The following LDLRAD4 variants were observed in gnomAD, a reference collection of about 807,000 sequenced individuals.
The protein encoded by LDLRAD4 is low-density lipoprotein receptor class A domain-containing protein 4.
In LDLRAD4, 5 loss-of-function variants were observed where a neutral mutation model predicts 17.0. The observed-to-expected ratio is 0.29, with a 90% CI of 0.15 to 0.62. The LOEUF (loss-of-function observed/expected upper bound fraction) is 0.62, where lower values mean the gene tolerates loss of function less well. LDLRAD4 is among the 20% of genes least tolerant of loss of function. The probability of loss-of-function intolerance (pLI) is 0.84; values close to 1 mark genes in which losing one functional copy is unlikely to be tolerated. For missense variants in LDLRAD4, 340 were observed against 424.7 expected, an observed-to-expected ratio of 0.80 and a Z score of 1.75; for synonymous variants, 168 against 171.8, an observed-to-expected ratio of 0.98 and a Z score of 0.17.
chr18:13,597,999 T>A (rs1200032044), intron 3 of LDLRAD4, among the ~76,000 whole-genome samples: 2 of 152,230 alleles, frequency 1.3e-5, no homozygotes, highest in Admixed American at 1.3e-4. Flanking sequence ...TTGTGAAGTT[T>A]TTGTTAAGCT....
rs1323560062 is a variant in LDLRAD4, at chr18:13,398,497, C to T, written c.40+10735C>T. The stretch of plus-strand genomic sequence containing the variant: ...AATACCATTGAGCTTATCAGAAGAG[C>T]TCAGATTTGAGTGTGGGTCTTGATG... On this transcript the variant is annotated intron_variant, in intron 2 of 5. Coordinates refer to ENST00000359446, the Ensembl canonical transcript of LDLRAD4. The surrounding 1 kb of genome is among the most constrained non-coding windows in gnomAD (Gnocchi z 4.8). Among the ~76,000 whole-genome samples, 1 of 151,856 alleles carries T rather than the reference C, an allele frequency of 6.6e-6. No homozygotes were observed. Among genetic ancestry groups the T allele is most frequent in the East Asian group, 1.9e-4 (1 of 5,186 alleles).
chr18:13,436,582 T>C (rs1299431731), intron 2 of LDLRAD4, among the ~76,000 whole-genome samples: 1 of 152,250 alleles, frequency 6.6e-6, no homozygotes, highest in Non-Finnish European at 1.5e-5. Flanking sequence ...TCATGTTTGG[T>C]ATAAATCCAT....
intron 2 of LDLRAD4, chr18:13,423,492 C>CA (rs201201247): frequency 0.076 from 9,987 of 131,586 alleles, 728 homozygotes; most frequent in African/African-American, 0.2. Flanking sequence ...GACTCTGTCT[C>CA]AAAAAAAAAA....
chr18:13,611,827 G>T, intron 3 of LDLRAD4: 8 of 985,684 alleles, frequency 8.1e-6, no homozygotes, highest in Non-Finnish European at 9.6e-6. Context: ...TCCTGCTGCG[G>T]TTAGGACCTC....
At chr18:13,340,309 C>T (rs143094886) in intron 1 of LDLRAD4, among the ~76,000 whole-genome samples, 14 of 152,202 alleles carry the variant, frequency 9.2e-5, no homozygotes, top group Non-Finnish European at 1.6e-4. Flanking sequence ...TGGGACATAT[C>T]GTAATTCTAT....
At chr18:13,271,907 T>TG (rs1255802456) in intron 1 of LDLRAD4, among the ~76,000 whole-genome samples, 4 of 148,916 alleles carry the variant, frequency 2.7e-5, no homozygotes, top group Admixed American at 2.7e-4. Flanking sequence ...TTTTTTTTTT[T>TG]TTTTTTTTTT....
intron 1 of LDLRAD4, among the ~76,000 whole-genome samples, chr18:13,262,451 C>T (rs2043918492): frequency 7.7e-6 from 1 of 130,452 alleles, no homozygotes; most frequent in South Asian, 2.5e-4. Flanking sequence ...AACTGAGTCC[C>T]GTGCGGCTCT....
At chr18:13,375,286 A>T (rs965872519) in intron 1 of LDLRAD4, among the ~76,000 whole-genome samples, 1 of 152,250 alleles carries the variant, frequency 6.6e-6, no homozygotes, top group Non-Finnish European at 1.5e-5. Flanking sequence ...AATGCCAGTC[A>T]TTCCCTTTTC....
At chr18:13,561,889 C>A (rs930376166) in intron 3 of LDLRAD4, 1 of 152,176 alleles carries the variant, frequency 6.6e-6, no homozygotes, top group African/African-American at 2.4e-5. Flanking sequence ...CCACTGTTTT[C>A]TTTATATTAG....
At chr18:13,277,882 G>T (rs1306575173), upstream of LDLRAD4, among the ~76,000 whole-genome samples, 1 of 152,212 alleles carries the variant, frequency 6.6e-6, no homozygotes, top group East Asian at 1.9e-4. Context: ...ACTGAGTGGA[G>T]GCAGAGGGGG....
chr18:13,565,412 C>T (rs551136211), intron 3 of LDLRAD4, among the ~76,000 whole-genome samples: 19 of 152,318 alleles, frequency 1.2e-4, no homozygotes, highest in African/African-American at 3.1e-4. Flanking sequence ...TGCTGGCCTG[C>T]GAGCAGCCCG....
chr18:13,303,305 G>A (rs1007190140), intron 1 of LDLRAD4, among the ~76,000 whole-genome samples: 1 of 152,176 alleles, frequency 6.6e-6, no homozygotes, highest in Non-Finnish European at 1.5e-5. Context: ...GAAGTGCAGT[G>A]GTACGATCAT....
At chr18:13,550,466 C>T (rs1184277461) in intron 3 of LDLRAD4, among the ~76,000 whole-genome samples, 3 of 152,316 alleles carry the variant, frequency 2.0e-5, no homozygotes, top group Non-Finnish European at 4.4e-5. Flanking sequence ...CTGCAGAGGG[C>T]TCGGAATAAG....
intron 2 of LDLRAD4, among the ~76,000 whole-genome samples, chr18:13,405,294 C>T (rs2087626823): frequency 6.6e-6 from 1 of 152,084 alleles, no homozygotes; most frequent in Non-Finnish European, 1.5e-5. Flanking sequence ...CTTAGAGAGA[C>T]AATACATCTT....
chr18:13,463,055 C>T (rs77058243), intron 3 of LDLRAD4, among the ~76,000 whole-genome samples: 1,997 of 152,278 alleles, frequency 0.013, 76 homozygotes, highest in East Asian at 0.12. Context: ...CCTGTGGTCC[C>T]GCTGGGGGGC....
At chr18:13,334,499 GCTAGGATTACAGGCATGAGC>G (rs1312510953) in intron 1 of LDLRAD4, among the ~76,000 whole-genome samples, 1 of 152,198 alleles carries the variant, frequency 6.6e-6, no homozygotes, top group East Asian at 1.9e-4. Flanking sequence ...CTCCCAAAAT[GCTAGGATTACAGGCATGAGC>G]CACTGCACCC....
intron 1 of LDLRAD4, among the ~76,000 whole-genome samples, chr18:13,251,438 T>G (rs984487126): frequency 1.3e-5 from 2 of 152,226 alleles, no homozygotes; most frequent in Non-Finnish European, 2.9e-5. Flanking sequence ...AGATTATCCC[T>G]GTTTGCAAAT....
chr18:13,399,121 T>A (rs1479322920), intron 2 of LDLRAD4, among the ~76,000 whole-genome samples: 1 of 152,034 alleles, frequency 6.6e-6, no homozygotes, highest in Non-Finnish European at 1.5e-5. Flanking sequence ...GGCTTGAGCC[T>A]TGGAGTTTGA....
At chr18:13,479,488 G>A (rs1040298525) in intron 3 of LDLRAD4, among the ~76,000 whole-genome samples, 2 of 152,202 alleles carry the variant, frequency 1.3e-5, no homozygotes, top group African/African-American at 4.8e-5. Flanking sequence ...GGACATGGTG[G>A]TGGGTGCCTG....
Sources: allele counts gnomAD v4.1 joint callset (sites outside exome capture counted in the v4.1 genomes callset), GRCh38; gene constraint gnomAD v4.1.1; non-coding constraint Gnocchi (gnomAD v3.1); transcripts MANE v1.5; gene names NCBI Gene and HGNC (gene_info 2026-07-23, HGNC 2026-07-21).